PDE5A: variants seen among roughly 807,000 people sequenced by gnomAD.
The protein encoded by PDE5A is cGMP-specific 3',5'-cyclic phosphodiesterase.
Under a neutral mutation model 110.2 loss-of-function variants are expected in PDE5A, and 67 were observed. The ratio of observed to expected loss-of-function variants is 0.61; its 90% CI spans 0.50 to 0.75. PDE5A has a LOEUF of 0.75. Among genes scored for constraint, PDE5A ranks in the 30% least tolerant of loss-of-function variants. PDE5A has a pLI of 0.00. For missense variants in PDE5A, 862 were observed against 1,045.1 expected (o/e 0.82, Z 2.42); for synonymous variants, 328 against 351.2 (o/e 0.93, Z 0.74).
chr4:119,586,239 A>G (rs1417942675), intron 3 of PDE5A, among the ~76,000 whole-genome samples: 1 of 152,216 alleles, frequency 6.6e-6, no homozygotes, highest in Non-Finnish European at 1.5e-5. Flanking sequence ...ATTACTATAA[A>G]CTGATGCAAA....
chr4:119,546,836 C>T (rs150012481), intron 9 of PDE5A, among the ~76,000 whole-genome samples: 2,734 of 152,094 alleles, frequency 0.018, 42 homozygotes, highest in Non-Finnish European at 0.028. Flanking sequence ...TTCTTTGTTA[C>T]TGTAGTAAAT....
chr4:119,588,178 T>C (rs1398088003), intron 3 of PDE5A, among the ~76,000 whole-genome samples: 3 of 150,504 alleles, frequency 2.0e-5, no homozygotes, highest in Admixed American at 6.6e-5. Flanking sequence ...TTCTTTTTTT[T>C]TTTTTTTTTT....
Position 119,607,171 on chromosome 4 carries a change from G to A in PDE5A, c.279C>T (p.Ala93=). Reference sequence around the variant, plus strand: ...AGATTTTCCTGGTTGGTGTTCCAGGGGCACTGTTATCTGCACGAGGACTCT... The same window carrying A: ...AGATTTTCCTGGTTGGTGTTCCAGGAGCACTGTTATCTGCACGAGGACTCT... The part of the protein sequence containing the change: ...LQQSPRADNS[A]PGTPTRKISA... The change falls in exon 2 of 21, where the codon GCC becomes GCT. Residue 93 remains alanine, a synonymous_variant. Coordinates refer to ENST00000354960, the MANE Select transcript of PDE5A (RefSeq NM_001083.4). The A allele has an allele frequency of 6.2e-7, 1 of 1,614,088 alleles. No homozygotes were observed. Among genetic ancestry groups the A allele is most frequent in the Non-Finnish European group, 8.5e-7 (1 of 1,179,980 alleles).
intron 11 of PDE5A, among the ~76,000 whole-genome samples, chr4:119,530,166 C>G (rs968555917): frequency 1.3e-5 from 2 of 152,092 alleles, no homozygotes; most frequent in Non-Finnish European, 2.9e-5. Context: ...GTGGTGACTG[C>G]CATATCACAG....
At chr4:119,522,403 TTTAAG>T (rs1394012607) in intron 12 of PDE5A, among the ~76,000 whole-genome samples, 1 of 151,976 alleles carries the variant, frequency 6.6e-6, no homozygotes, top group African/African-American at 2.4e-5. Flanking sequence ...CTGAGAGACT[TTTAAG>T]TAAGATCTAT....
rs1730413754 is a variant in PDE5A, at chr4:119,627,800, G to T, written c.152+720C>A. 6.6e-6 allele frequency among the ~76,000 whole-genome samples: 1 copy of T among 152,236 alleles called. No individual in the cohort carries two copies. Among genetic ancestry groups the T allele is most frequent in the African/African-American group, 2.4e-5 (1 of 41,466 alleles). The stretch of plus-strand genomic sequence containing the variant: ...GGCGCTTGGCTCTGGACCAGAAAGA[G>T]CTGGCCTCTGGGGTCTGCGCTGCCC... On this transcript the variant is annotated intron_variant, in intron 1 of 20. Transcript: ENST00000354960. This position sits in a 1 kb window ranked among gnomAD's most constrained non-coding sequence, Gnocchi z 4.6.
chr4:119,588,170 C>CTTTTTTTTT (rs11297755), intron 3 of PDE5A, among the ~76,000 whole-genome samples: 2 of 129,076 alleles, frequency 1.5e-5, no homozygotes, highest in African/African-American at 2.8e-5. Flanking sequence ...CCAATTTTTT[C>CTTTTTTTTT]TTTTTTTTTT....
intron 1 of PDE5A, among the ~76,000 whole-genome samples, chr4:119,619,203 T>G (rs912497174): frequency 3.3e-5 from 5 of 152,218 alleles, no homozygotes; most frequent in Non-Finnish European, 5.9e-5. Flanking sequence ...TCTTGGATCC[T>G]TATTTTATAC....
intron 13 of PDE5A, chr4:119,519,411 G>A (rs948796087): frequency 3.4e-5 from 12 of 349,756 alleles, no homozygotes; most frequent in Non-Finnish European, 6.1e-5. Context: ...AGTAAGTATT[G>A]CTAATTCTTA....
intron 11 of PDE5A, among the ~76,000 whole-genome samples, chr4:119,527,743 T>A (rs1399290010): frequency 1.3e-5 from 2 of 151,248 alleles, no homozygotes; most frequent in African/African-American, 4.9e-5. Flanking sequence ...TTGATTTTCT[T>A]CAGGGGATTT....
rs954957424 is a variant in PDE5A at position 119,560,806 on chromosome 4, TAAC to T, written c.1132-446_1132-444del. On this transcript the variant is annotated intron_variant, in intron 6 of 20. Coordinates refer to ENST00000354960, the MANE Select transcript of PDE5A (RefSeq NM_001083.4). ...ATTATTAAAATAACTGTGAAAATTT[TAAC>T]AACATAGAGAAATACTTTTGAAATT... is the stretch of plus-strand genomic sequence containing the variant. 6.8e-4 allele frequency among the ~76,000 whole-genome samples: 104 copies of T among 152,352 alleles called. 1 individual carries two copies. Among genetic ancestry groups the T allele is most frequent in the Admixed American group, 2.4e-3 (37 of 15,302 alleles).
chr4:119,564,598 AT>A (rs1305410617), intron 5 of PDE5A, among the ~76,000 whole-genome samples: 1 of 152,080 alleles, frequency 6.6e-6, no homozygotes, highest in African/African-American at 2.4e-5. Context: ...AGGATGCCTA[AT>A]ATAATGGAGT....
At chr4:119,603,191 T>C (rs980274932) in intron 2 of PDE5A, among the ~76,000 whole-genome samples, 3 of 152,344 alleles carry the variant, frequency 2.0e-5, no homozygotes, top group African/African-American at 7.2e-5. Context: ...TGTTAATATC[T>C]TATTAATAAA....
At chr4:119,504,956 A>T (rs1725504971) in intron 17 of PDE5A, among the ~76,000 whole-genome samples, 1 of 152,072 alleles carries the variant, frequency 6.6e-6, no homozygotes, top group South Asian at 2.1e-4. Flanking sequence ...TACATTGATT[A>T]CTAATAACCA....
intron 9 of PDE5A, chr4:119,549,941 A>C (rs1231966716): frequency 6.6e-6 from 1 of 152,196 alleles, no homozygotes; most frequent in African/African-American, 2.4e-5. Context: ...AAGATTACAA[A>C]CAACACATGT....
intron 7 of PDE5A, among the ~76,000 whole-genome samples, chr4:119,557,011 A>T (rs910089769): frequency 7.7e-6 from 1 of 129,704 alleles, no homozygotes; most frequent in South Asian, 3.0e-4. Context: ...CAGAGCTCCA[A>T]TTGTAGAAAG....
chr4:119,568,493 G>A (rs770155656), intron 3 of PDE5A, among the ~76,000 whole-genome samples: 2 of 152,034 alleles, frequency 1.3e-5, no homozygotes, highest in African/African-American at 2.4e-5. Context: ...TGCCTATTAC[G>A]TACCAAAAAG....
intron 3 of PDE5A, among the ~76,000 whole-genome samples, chr4:119,580,762 T>C (rs1728560956): frequency 1.3e-5 from 2 of 152,262 alleles, no homozygotes; most frequent in African/African-American, 4.8e-5. Context: ...GACCTCTTTC[T>C]TTCCCACTCT....
At chr4:119,549,773 G>T (rs909958406) in intron 9 of PDE5A, 21 of 152,306 alleles carry the variant, frequency 1.4e-4, no homozygotes, top group African/African-American at 4.8e-4. Flanking sequence ...TGGAAGCAAA[G>T]TAGTGGAAAC....
Sources: allele counts gnomAD v4.1 joint callset (sites outside exome capture counted in the v4.1 genomes callset), GRCh38; gene constraint gnomAD v4.1.1; non-coding constraint Gnocchi (gnomAD v3.1); transcripts MANE v1.5; gene names NCBI Gene and HGNC (gene_info 2026-07-23, HGNC 2026-07-21).